The following BICDL1 variants were observed in gnomAD, a reference collection of about 807,000 sequenced individuals.
The protein encoded by BICDL1 is BICD family-like cargo adapter 1.
In BICDL1, 20 loss-of-function variants were observed where a neutral mutation model predicts 76.8. The observed-to-expected ratio is 0.26, with a 90% CI of 0.18 to 0.38. The LOEUF (loss-of-function observed/expected upper bound fraction) is 0.38. Ranked by LOEUF, BICDL1 falls within the 10% of genes least tolerant of loss-of-function variation. The probability of loss-of-function intolerance (pLI) is 1.00; values close to 1 mark genes in which losing one functional copy is unlikely to be tolerated. For missense variants in BICDL1, 700 were observed against 798.6 expected (o/e 0.88, Z 1.49); for synonymous variants, 383 against 337.1 (o/e 1.14, Z -1.49).
At chr12:120,027,008 G>T (rs771508302) in intron 2 of BICDL1, among the ~76,000 whole-genome samples, 1 of 150,586 alleles carries the variant, frequency 6.6e-6, no homozygotes, top group South Asian at 2.1e-4. Context: ...AAATGAGAAC[G>T]AGAATAATGA....
intron 2 of BICDL1, among the ~76,000 whole-genome samples, chr12:120,023,934 A>C (rs1952236315): frequency 6.6e-6 from 1 of 152,222 alleles, no homozygotes; most frequent in South Asian, 2.1e-4. Context: ...GAGAGTTCTT[A>C]GAACTGTACT....
At chr12:120,092,640 C>A (rs1425321775) in intron 9 of BICDL1, 2 of 985,316 alleles carry the variant, frequency 2.0e-6, no homozygotes, top group Non-Finnish European at 2.4e-6. Context: ...CAGCCAGGCC[C>A]ACAGGACACA....
intron 2 of BICDL1, among the ~76,000 whole-genome samples, chr12:120,029,998 C>A (rs1196811543): frequency 1.3e-5 from 2 of 152,104 alleles, no homozygotes; most frequent in African/African-American, 4.8e-5. Context: ...TTAAAATAGT[C>A]TTTTTTCTTC....
chr12:119,998,377 T>G (rs1451490413), intron 1 of BICDL1, 144 bp from the exon 2 acceptor site: 1 of 597,278 alleles, frequency 1.7e-6, no homozygotes, highest in African/African-American at 1.9e-5. Flanking sequence ...TTTGTAGCTG[T>G]GAATTCGGCA....
intron 2 of BICDL1, among the ~76,000 whole-genome samples, chr12:120,045,917 T>TATTATAATAATAATAATA (rs1555288136): frequency 7.3e-6 from 1 of 137,634 alleles, no homozygotes; most frequent in Admixed American, 7.1e-5. Flanking sequence ...CTTAAAGTAT[T>TATTATAATAATAATAATA]ATAATAATAA....
rs545737757 is a variant in BICDL1, at chr12:120,071,222, A to G, written c.910-400A>G. On this transcript the variant is annotated intron_variant, in intron 4 of 9. Coordinates refer to ENST00000548673, the MANE Select transcript of BICDL1 (RefSeq NM_001367886.1). This position sits in a 1 kb window ranked among gnomAD's most constrained non-coding sequence, Gnocchi z 4.8. ...CAATGGCGTGATCTTAGCTCATTGC[A>G]ACGTCCGCCTCCTGGGTTCAAGCGA... 6.7e-6 allele frequency among the ~76,000 whole-genome samples: 1 copy of G among 149,160 alleles called. No individual in the cohort carries two copies. Among genetic ancestry groups the G allele is most frequent in the African/African-American group, 2.5e-5 (1 of 40,528 alleles).
chr12:120,090,895 T>C (rs778154900), intron 9 of BICDL1: 12 of 1,288,016 alleles, frequency 9.3e-6, no homozygotes, highest in Admixed American at 4.6e-5. Flanking sequence ...CTCTCTCTCT[T>C]CTCTCCCGGC....
intron 1 of BICDL1, among the ~76,000 whole-genome samples, chr12:119,996,458 A>G (rs1951647428): frequency 6.6e-6 from 1 of 152,180 alleles, no homozygotes; most frequent in African/African-American, 2.4e-5. Context: ...GCATGACTGT[A>G]AGCTGTCCCT....
chr12:120,027,027 CTTTT>C (rs10606114), intron 2 of BICDL1, among the ~76,000 whole-genome samples: 10 of 118,092 alleles, frequency 8.5e-5, no homozygotes, highest in Admixed American at 3.5e-4. Context: ...GATGTAATTT[CTTTT>C]TTTTTTTTTT....
chr12:120,039,518 A>T (rs1359616152), intron 2 of BICDL1, among the ~76,000 whole-genome samples: 1 of 144,414 alleles, frequency 6.9e-6, no homozygotes, highest in African/African-American at 2.6e-5. Flanking sequence ...CATGCCGGTA[A>T]TCCCAGCTAC....
intron 5 of BICDL1, among the ~76,000 whole-genome samples, chr12:120,072,139 C>A (rs1263900465): frequency 1.2e-4 from 19 of 152,230 alleles, no homozygotes; most frequent in Non-Finnish European, 1.5e-5. Context: ...AGTTCCAGAG[C>A]AGTCATGATC....
intron 2 of BICDL1, among the ~76,000 whole-genome samples, chr12:120,025,226 A>AT (rs1952271142): frequency 6.6e-6 from 1 of 150,790 alleles, no homozygotes; most frequent in Non-Finnish European, 1.5e-5. Context: ...AATTTTTTGT[A>AT]TTTTTAGTAG....
chr12:120,000,117 GGGA>G (rs1951730818), intron 2 of BICDL1, among the ~76,000 whole-genome samples: 2 of 152,202 alleles, frequency 1.3e-5, no homozygotes, highest in African/African-American at 4.8e-5. Flanking sequence ...CAATGGGGAA[GGGA>G]GGAGAAGAAG....
chr12:120,010,737 G>T (rs1054057075), intron 2 of BICDL1, among the ~76,000 whole-genome samples: 5 of 151,124 alleles, frequency 3.3e-5, no homozygotes, highest in South Asian at 2.1e-4. Context: ...GGGAAAAAGT[G>T]TTTTTTTTTA....
At chr12:120,058,724 A>G (rs980585009) in intron 2 of BICDL1, among the ~76,000 whole-genome samples, 1 of 149,740 alleles carries the variant, frequency 6.7e-6, no homozygotes, top group African/African-American at 2.5e-5. Flanking sequence ...CCGAGTGGCT[A>G]GGACTACAGG....
chr12:120,009,262 A>G (rs1951908896), intron 2 of BICDL1, among the ~76,000 whole-genome samples: 1 of 152,192 alleles, frequency 6.6e-6, no homozygotes, highest in Non-Finnish European at 1.5e-5. Context: ...CTGGGATTAC[A>G]GGCATGAGCC....
chr12:120,082,554 A>AC lies in BICDL1; in HGVS notation c.1583+1537_1583+1538insC, dbSNP rs1670681360. 2.7e-5 allele frequency among the ~76,000 whole-genome samples: 4 copies of AC among 149,726 alleles called. No individual in the cohort carries two copies. The South Asian group carries it at 8.5e-4, about 32-fold the overall frequency. ...CAGGCATGAGCCACTGTGCCCAGCC[A>AC]ACTAGGTCTTTTTAAAAATGTTTTG... On this transcript the variant is annotated intron_variant, in intron 8 of 9. Coordinates refer to ENST00000548673, the MANE Select transcript of BICDL1 (RefSeq NM_001367886.1).
At chr12:119,998,450 CAGCGCGG>C in intron 1 of BICDL1, 64 bp from the exon 2 acceptor site, 1 of 1,363,894 alleles carries the variant, frequency 7.3e-7, no homozygotes, top group South Asian at 1.5e-5. Flanking sequence ...AAAGTTGGGA[CAGCGCGG>C]AGAGAAAAAA....
chr12:120,080,413 AG>A (rs1466025410), intron 7 of BICDL1, among the ~76,000 whole-genome samples: 1 of 152,204 alleles, frequency 6.6e-6, no homozygotes, highest in Non-Finnish European at 1.5e-5. Flanking sequence ...GGCTGTGCCA[AG>A]GGCTGTCACG....
Sources: gnomAD v4.1 joint callset for allele counts (sites outside exome capture counted in the v4.1 genomes callset) on GRCh38, gnomAD v4.1.1 for gene constraint, Gnocchi (gnomAD v3.1) non-coding constraint, MANE v1.5 for transcripts, NCBI Gene and HGNC (gene_info 2026-07-23, HGNC 2026-07-21) for gene names.